ZNF385D: variants seen among roughly 807,000 people sequenced by gnomAD.
The protein encoded by ZNF385D is zinc finger protein 385D, also known as zinc finger protein 659.
ZNF385D carries 15 observed loss-of-function variants against 35.8 expected under a neutral mutation model. That is an observed-to-expected ratio of 0.42 (90% confidence interval 0.28 to 0.64). The LOEUF is 0.64. Ranked by LOEUF, ZNF385D falls within the 30% of genes least tolerant of loss-of-function variation. The pLI is 0.23. For missense variants in ZNF385D, 474 were observed against 494.6 expected (o/e 0.96, Z 0.39); for synonymous variants, 212 against 186.8 (o/e 1.13, Z -1.10).
intron 3 of ZNF385D, among the ~76,000 whole-genome samples, chr3:21,548,874 G>A (rs180830233): frequency 6.6e-6 from 1 of 152,110 alleles, no homozygotes; most frequent in South Asian, 2.1e-4. Context: ...GTAGCCTATT[G>A]CCCTTGAAAA....
At chr3:21,944,920 G>T (rs1430501219) in intron 3 of ZNF385D, among the ~76,000 whole-genome samples, 1 of 151,966 alleles carries the variant, frequency 6.6e-6, no homozygotes, top group African/African-American at 2.4e-5. Flanking sequence ...CAGTACAGTT[G>T]AGTACTTCTT....
intron 3 of ZNF385D, among the ~76,000 whole-genome samples, chr3:21,816,300 A>G (rs1170813581): frequency 2.6e-5 from 4 of 152,166 alleles, no homozygotes; most frequent in African/African-American, 7.2e-5. Flanking sequence ...CACCACTCCT[A>G]TGCAAAATAG....
chr3:21,444,831 C>T (rs1336876201), intron 4 of ZNF385D, among the ~76,000 whole-genome samples: 8 of 152,110 alleles, frequency 5.3e-5, no homozygotes, highest in Admixed American at 3.3e-4. Flanking sequence ...TCCTATTACT[C>T]ATTCAAATTT....
chr3:22,207,799 C>G (rs753964447), intron 2 of ZNF385D, among the ~76,000 whole-genome samples: 1 of 151,922 alleles, frequency 6.6e-6, no homozygotes, highest in Non-Finnish European at 1.5e-5. Context: ...ATAGACATTT[C>G]TTGAAAGAAG....
At chr3:21,909,438 C>A (rs1158820799) in intron 3 of ZNF385D, among the ~76,000 whole-genome samples, 1 of 151,980 alleles carries the variant, frequency 6.6e-6, no homozygotes, top group Non-Finnish European at 1.5e-5. Flanking sequence ...ATCAGAGAAG[C>A]CTGTTCTCTC....
chr3:22,073,440 A>T (rs946495911), intron 3 of ZNF385D, among the ~76,000 whole-genome samples: 4 of 151,890 alleles, frequency 2.6e-5, no homozygotes, highest in Admixed American at 2.6e-4. Context: ...CTTAGGGGAA[A>T]AGAACTTTAA....
rs1694482895 is a variant in ZNF385D at position 21,824,605 on chromosome 3, T to C, written c.326-159577A>G. Among the ~76,000 whole-genome samples, 2 of 152,152 alleles carry C rather than the reference T, an allele frequency of 1.3e-5. 1 individual carries two copies. The highest frequency in any genetic ancestry group is 4.1e-4 in the South Asian group (2 of 4,828). On this transcript the variant is annotated intron_variant, in intron 3 of 5. Transcript: ENST00000494108. ...ATCTAGTTTTATTTGTACAGTTACG[T>C]GGTTGTATCCATAGCCTAGATTTTC...
intron 3 of ZNF385D, among the ~76,000 whole-genome samples, chr3:21,756,447 T>C (rs1025124159): frequency 2.0e-5 from 3 of 152,174 alleles, no homozygotes; most frequent in African/African-American, 7.2e-5. Context: ...TGGTTTGTCA[T>C]TCTTATTATA....
intron 3 of ZNF385D, among the ~76,000 whole-genome samples, chr3:21,926,762 A>G (rs151238025): frequency 7.2e-5 from 11 of 152,324 alleles, no homozygotes; most frequent in Middle Eastern, 6.8e-3. Context: ...TGACTAAAAC[A>G]CCAAAAGCAA....
chr3:21,421,306 A>G lies in ZNF385D; in HGVS notation c.1096T>C (p.Phe366Leu). ...GCCGGAGGAAGCGCGGAAGTCTGGA[A>G]CAGTGTTGCTGCTGGAGCAGTTCGA... ...SLRTAPAATL[F>L]QTSALPPALL... The change falls in exon 8 of 8, where the codon TTC becomes CTC. Residue 366 changes from phenylalanine (F) to leucine (L), a missense_variant. Coordinates refer to ENST00000281523, the MANE Select transcript of ZNF385D (RefSeq NM_024697.3). 1 of 1,614,102 alleles carries G rather than the reference A, an allele frequency of 6.2e-7. No homozygotes were observed. The highest frequency in any genetic ancestry group is 2.2e-5 in the East Asian group (1 of 44,866).
At chr3:21,462,900 C>T (rs566929107) in intron 4 of ZNF385D, among the ~76,000 whole-genome samples, 124 of 152,146 alleles carry the variant, frequency 8.2e-4, no homozygotes, top group African/African-American at 2.7e-3. Context: ...CAGAATCACT[C>T]GAACCAGGGA....
intron 3 of ZNF385D, among the ~76,000 whole-genome samples, chr3:21,556,977 A>T (rs2062763728): frequency 6.6e-6 from 1 of 151,904 alleles, no homozygotes; most frequent in Non-Finnish European, 1.5e-5. Flanking sequence ...TCTGTCTGTT[A>T]TTGGTGTATA....
At chr3:21,660,339 C>T (rs79545145) in intron 2 of ZNF385D, among the ~76,000 whole-genome samples, 1 of 152,144 alleles carries the variant, frequency 6.6e-6, no homozygotes, top group Non-Finnish European at 1.5e-5. Context: ...CCTCCTCACT[C>T]TTCCTTGTGC....
chr3:22,202,898 G>C (rs765745185), intron 2 of ZNF385D, among the ~76,000 whole-genome samples: 1 of 152,086 alleles, frequency 6.6e-6, no homozygotes, highest in South Asian at 2.1e-4. Context: ...TTGAGTTTTG[G>C]CAAGACTTGC....
At chr3:22,367,851 A>G (rs1696726407) in intron 2 of ZNF385D, among the ~76,000 whole-genome samples, 1 of 152,208 alleles carries the variant, frequency 6.6e-6, no homozygotes, top group Admixed American at 6.5e-5. Flanking sequence ...ATCTGGCCTC[A>G]TGTTATGAGA....
intron 3 of ZNF385D, among the ~76,000 whole-genome samples, chr3:21,800,589 A>T (rs1455562986): frequency 6.6e-6 from 1 of 152,240 alleles, no homozygotes; most frequent in East Asian, 1.9e-4. Flanking sequence ...CTCAGGCAAC[A>T]GAGTGAGACC....
At chr3:22,182,677 A>AT (rs1435191995) in intron 2 of ZNF385D, among the ~76,000 whole-genome samples, 1 of 152,110 alleles carries the variant, frequency 6.6e-6, no homozygotes, top group Admixed American at 6.6e-5. Context: ...CATTTAACAT[A>AT]TTTTTCTATT....
intron 3 of ZNF385D, among the ~76,000 whole-genome samples, chr3:21,762,376 T>C (rs2070657556): frequency 6.6e-6 from 1 of 152,068 alleles, no homozygotes; most frequent in Admixed American, 6.6e-5. Flanking sequence ...CCGGTAAAGC[T>C]CTTTTCCACT....
intron 2 of ZNF385D, among the ~76,000 whole-genome samples, chr3:22,217,262 T>A (rs1228902850): frequency 6.6e-6 from 1 of 152,122 alleles, no homozygotes; most frequent in Non-Finnish European, 1.5e-5. Context: ...ATAAACACTT[T>A]TGCCCATGTT....
Sources: allele counts gnomAD v4.1 joint callset (sites outside exome capture counted in the v4.1 genomes callset), GRCh38; gene constraint gnomAD v4.1.1; transcripts MANE v1.5; gene names NCBI Gene and HGNC (gene_info 2026-07-23, HGNC 2026-07-21).